Variants in SRPX observed in about 807,000 individuals in gnomAD.
The protein encoded by SRPX is sushi repeat containing protein X-linked, also known as sushi repeat-containing protein SRPX.
A neutral mutation model predicts 38.1 loss-of-function variants in SRPX; 24 were observed. The ratio of observed to expected loss-of-function variants is 0.63; its 90% CI spans 0.46 to 0.89. The LOEUF is 0.89. SRPX is among the 40% of genes least tolerant of loss of function. SRPX has a pLI of 0.00. For synonymous variants in SRPX, 184 were observed against 153.8 expected (o/e 1.20, Z -1.45); for missense variants, 416 against 377.8 (o/e 1.10, Z -0.84).
intron 9 of SRPX, among the ~76,000 whole-genome samples, chrX:38,150,577 T>C (rs1294069852): frequency 1.8e-5 from 2 of 112,148 alleles, no homozygotes; most frequent in African/African-American, 6.5e-5. Flanking sequence ...TGTTCCCACA[T>C]AGCAATAGTG....
intron 8 of SRPX, among the ~76,000 whole-genome samples, chrX:38,156,600 G>A (rs1938136042): frequency 8.9e-6 from 1 of 112,602 alleles, no homozygotes; most frequent in Admixed American, 9.4e-5. Context: ...ATCCTGGACA[G>A]GTTTGGCAAA....
At chrX:38,199,604 T>C (rs1250340313) in intron 1 of SRPX, among the ~76,000 whole-genome samples, 2 of 110,264 alleles carry the variant, frequency 1.8e-5, no homozygotes, top group Non-Finnish European at 3.8e-5. Flanking sequence ...CCTTAGTTTC[T>C]TCCTGTTTAA....
rs1288286389 is a variant in SRPX, at chrX:38,220,687, C to G, written c.97+9G>C. On this transcript the variant is annotated intron_variant, in intron 1 of 9. Transcript: ENST00000378533. ...CCAGCTGAGGAGGCAGCCACGCCTC[C>G]GATCCTACCTGGGAAGCTGCGGCTG... 5.9e-6 allele frequency: 7 copies of G among 1,185,686 alleles called. No homozygotes were observed. Among genetic ancestry groups the G allele is most frequent in the East Asian group, 3.1e-5 (1 of 32,162 alleles).
At chrX:38,214,039 G>A (rs1027614332) in intron 1 of SRPX, among the ~76,000 whole-genome samples, 4 of 111,668 alleles carry the variant, frequency 3.6e-5, no homozygotes, top group African/African-American at 1.3e-4. Context: ...CAAATGCTCA[G>A]TGCCATTCAT....
At chrX:38,212,991 T>G (rs1014477775) in intron 1 of SRPX, among the ~76,000 whole-genome samples, 2 of 112,613 alleles carry the variant, frequency 1.8e-5, no homozygotes, top group Non-Finnish European at 3.8e-5. Context: ...AGGTGCTTTA[T>G]GCACCAGTGG....
chrX:38,220,769 G>C lies in SRPX; in HGVS notation c.24C>G (p.Pro8=), dbSNP rs777199934. MGSPAHR[P]ALLLLLPPLL... ...GAGGCGGCAGCAGCAGCAGCAGCGC[G>C]GGCCGATGTGCGGGGCTCCCCATGG... The change falls in exon 1 of 10, where the codon CCC becomes CCG. Residue 8 remains proline, a synonymous_variant. Transcript: ENST00000378533. 8 of 1,134,468 alleles carry C rather than the reference G, an allele frequency of 7.1e-6. No individual in the cohort carries two copies. In the South Asian group the frequency reaches 1.4e-4, roughly 20 times the overall value. 93.5% of individuals were successfully genotyped at this position (1,134,468 alleles called of 1,213,427 possible). A position where few individuals can be genotyped will look rare whatever the true frequency, so the allele number is the denominator to read the frequency against.
intron 1 of SRPX, among the ~76,000 whole-genome samples, chrX:38,195,871 A>C (rs1759091647): frequency 8.9e-6 from 1 of 112,038 alleles, no homozygotes; most frequent in Non-Finnish European, 1.9e-5. Context: ...ACGAGATCCC[A>C]GCTGGCAATT....
Position 38,171,940 on chromosome X carries a change from T to A in SRPX, c.467A>T (p.Glu156Val). Reference sequence around the variant, plus strand: ...GTTGTCCATACATGTGACGGTCCGCTCCCCTTTCAACGTGTATCCTGGTGA... The same window carrying A: ...GTTGTCCATACATGTGACGGTCCGCACCCCTTTCAACGTGTATCCTGGTGA... Reference protein sequence around the residue: ...YCSPGYTLKGERTVTCMDNKA... With the variant: ...YCSPGYTLKGVRTVTCMDNKA... Residue 156 changes from glutamate to valine, a missense_variant, in exon 4 of 10, where the codon GAG becomes GTG. Transcript: ENST00000378533. 8.3e-7 allele frequency: 1 copy of A among 1,211,483 alleles called. No homozygotes were observed.
intron 1 of SRPX, among the ~76,000 whole-genome samples, chrX:38,209,844 A>G (rs1486561212): frequency 8.9e-6 from 1 of 112,197 alleles, no homozygotes; most frequent in Non-Finnish European, 1.9e-5. Flanking sequence ...TTTAACCAAG[A>G]CACAATTGCT....
At chrX:38,203,590 C>G (rs1052308853) in intron 1 of SRPX, among the ~76,000 whole-genome samples, 14 of 112,905 alleles carry the variant, frequency 1.2e-4, no homozygotes, top group African/African-American at 1.9e-4. Context: ...ACCAGCCTGG[C>G]CAATGTGGTG....
chrX:38,205,825 G>T lies in SRPX; in HGVS notation c.97+14871C>A, dbSNP rs369859387. 4.5e-4 allele frequency among the ~76,000 whole-genome samples: 51 copies of T among 112,120 alleles called. No individual in the cohort carries two copies. In the South Asian group the frequency reaches 0.019, roughly 42 times the overall value. On this transcript the variant is annotated intron_variant, in intron 1 of 9. Coordinates refer to ENST00000378533, the MANE Select transcript of SRPX (RefSeq NM_006307.5). ...CACTTGGCTAGCAACCTGAGGTCCA[G>T]CATCTAATCAGAAGGCACCCAGCAA... is the stretch of plus-strand genomic sequence containing the variant.
chrX:38,174,330 A>G lies in SRPX; in HGVS notation c.179T>C (p.Ile60Thr). ...RYKDTPWCSP[I>T]KVKYGDVYCR... is the part of the protein sequence containing the mutation. ...GTACACATCCCCATACTTCACCTTGATGGGGGAGCACCACGGGGTATCTAC... is the reference window on the plus strand; with the variant it reads ...GTACACATCCCCATACTTCACCTTGGTGGGGGAGCACCACGGGGTATCTAC... The change falls in exon 3 of 10, where the codon ATC (isoleucine) becomes ACC (threonine). Residue 60 changes from isoleucine (I) to threonine (T), a missense_variant. Ile to Thr is a moderately conservative substitution (Grantham distance 89). Coordinates refer to ENST00000378533, the MANE Select transcript of SRPX (RefSeq NM_006307.5). The G allele has an allele frequency of 9.5e-7, 1 of 1,051,212 alleles. No individual in the cohort carries two copies. Among genetic ancestry groups the G allele is most frequent in the Non-Finnish European group, 1.2e-6 (1 of 811,400 alleles). 86.6% of individuals were successfully genotyped at this position (1,051,212 alleles called of 1,213,427 possible). A position where few individuals can be genotyped will look rare whatever the true frequency, so the allele number is the denominator to read the frequency against.
chrX:38,213,934 C>T (rs1367706833), intron 1 of SRPX, among the ~76,000 whole-genome samples: 1 of 111,655 alleles, frequency 9.0e-6, no homozygotes, highest in East Asian at 2.8e-4. Flanking sequence ...AAATCCGCCC[C>T]CCATGATCCA....
rs756392964 is a variant in SRPX at position 38,176,869 on chromosome X, T to G, written c.157+1416A>C. Among the ~76,000 whole-genome samples, 3 of 112,254 alleles carry G rather than the reference T, an allele frequency of 2.7e-5. No individual in the cohort carries two copies. The South Asian group carries it at 1.1e-3, about 42-fold the overall frequency. ...ACAACATGATGCTTTGATATACTTA[T>G]ACATACTGAAATGATTGCTACCAGT... is the stretch of plus-strand genomic sequence containing the variant. On this transcript the variant is annotated intron_variant, in intron 2 of 9. Coordinates refer to ENST00000378533, the MANE Select transcript of SRPX (RefSeq NM_006307.5).
intron 8 of SRPX, among the ~76,000 whole-genome samples, chrX:38,155,152 A>C (rs1938110559): frequency 8.9e-6 from 1 of 112,035 alleles, no homozygotes; most frequent in Non-Finnish European, 1.9e-5. Flanking sequence ...TGTAAGACAA[A>C]TATGATGAAT....
chrX:38,150,828 TA>T (rs1438236328), intron 9 of SRPX, among the ~76,000 whole-genome samples: 1 of 112,225 alleles, frequency 8.9e-6, no homozygotes, highest in African/African-American at 3.2e-5. Context: ...GAATTTAAAC[TA>T]AAAAATATGA....
In SRPX at chrX:38,183,211, G is replaced by A. The variant is rs139441433; in HGVS notation, c.98-4867C>T. 2.5e-4 allele frequency among the ~76,000 whole-genome samples: 28 copies of A among 110,134 alleles called. No homozygotes were observed. In the East Asian group the frequency reaches 7.1e-3, roughly 28 times the overall value. ...TGGGATTACAAGCATGCACCACTAC[G>A]CTCAGCTAATTTTTGTATTTTTACT... On this transcript the variant is annotated intron_variant, in intron 1 of 9. Transcript: ENST00000378533.
intron 8 of SRPX, among the ~76,000 whole-genome samples, chrX:38,155,793 A>G (rs73469647): frequency 0.016 from 1,782 of 111,852 alleles, 12 homozygotes; most frequent in Middle Eastern, 0.019. Flanking sequence ...AGACAGAGGT[A>G]TAAGCTTGTG....
intron 1 of SRPX, among the ~76,000 whole-genome samples, chrX:38,187,853 G>A: frequency 8.9e-6 from 1 of 112,511 alleles, no homozygotes. Context: ...AAGAAGCCCA[G>A]AAGTCAGTTC....
Sources: allele counts gnomAD v4.1 joint callset (sites outside exome capture counted in the v4.1 genomes callset), GRCh38; gene constraint gnomAD v4.1.1; transcripts MANE v1.5; gene names NCBI Gene and HGNC (gene_info 2026-07-23, HGNC 2026-07-21).